Variants in KANK1 observed in about 807,000 individuals in gnomAD.
The protein encoded by KANK1 is KN motif and ankyrin repeat domains 1, also known as KN motif and ankyrin repeat domain-containing protein 1.
Under a neutral mutation model 106.2 loss-of-function variants are expected in KANK1, and 109 were observed. The observed-to-expected ratio is 1.03, with a 90% CI of 0.88 to 1.20. KANK1 has a LOEUF of 1.20. Ranked by LOEUF, KANK1 falls within the 50% of genes most tolerant of loss-of-function variation. The pLI is 0.00. For missense variants in KANK1, 2,399 were observed against 1,710.7 expected (o/e 1.40, Z -7.10); for synonymous variants, 873 against 652.2 (o/e 1.34, Z -5.16).
chr9:680,760 T>C (rs1222395184), intron 2 of KANK1: 1 of 152,156 alleles, frequency 6.6e-6, no homozygotes, highest in Non-Finnish European at 1.5e-5. Flanking sequence ...GGTGCTCCAC[T>C]TTCGTGCGCG....
chr9:732,679 G>GT, intron 6 of KANK1, 62 bp downstream of exon 6: 2 of 1,572,042 alleles, frequency 1.3e-6, no homozygotes, highest in Non-Finnish European at 1.7e-6. Flanking sequence ...TGGCAATAGA[G>GT]TTGGCCAGTT....
intron 7 of KANK1, among the ~76,000 whole-genome samples, chr9:736,425 C>T (rs1048298580): frequency 2.6e-5 from 4 of 152,026 alleles, no homozygotes; most frequent in Non-Finnish European, 5.9e-5. Context: ...TGGTCAAGTC[C>T]AGGCACAGTG....
rs1465871228 is a variant in KANK1, at chr9:745,407, G to A, written c.*172G>A. On this transcript the variant is annotated 3_prime_UTR_variant, in exon 12 of 12. Coordinates refer to ENST00000382297, the MANE Select transcript of KANK1 (RefSeq NM_015158.5). The stretch of plus-strand genomic sequence containing the variant: ...CACAGTGCAGAGACTGCTAGCCTGG[G>A]CACACACACCTCCTTTCTGGCCGTC... 2.8e-6 allele frequency: 2 copies of A among 715,996 alleles called. No homozygotes were observed. The highest frequency in any genetic ancestry group is 4.6e-6 in the Non-Finnish European group (2 of 430,838). The allele number at this position is 715,996 out of a possible 1,614,324, so 44.4% of individuals were successfully genotyped here.
At chr9:636,584 C>T (rs1837189769) in intron 1 of KANK1, among the ~76,000 whole-genome samples, 1 of 152,116 alleles carries the variant, frequency 6.6e-6, no homozygotes, top group Non-Finnish European at 1.5e-5. Flanking sequence ...AACAACCTTC[C>T]TGGCTGGGTG....
intron 1 of KANK1, among the ~76,000 whole-genome samples, chr9:567,264 A>G (rs1053990710): frequency 3.9e-5 from 6 of 152,116 alleles, no homozygotes; most frequent in Admixed American, 2.0e-4. Context: ...TGTAGTTTGA[A>G]GTTGGGTAGT....
intron 3 of KANK1, among the ~76,000 whole-genome samples, chr9:714,656 C>T (rs1372053644): frequency 1.3e-5 from 2 of 152,154 alleles, no homozygotes; most frequent in African/African-American, 2.4e-5. Context: ...CCACACCTGG[C>T]CCGATAGGCG....
chr9:690,838 C>G (rs1045651411), intron 2 of KANK1, among the ~76,000 whole-genome samples: 7 of 152,310 alleles, frequency 4.6e-5, no homozygotes, highest in East Asian at 3.9e-4. Context: ...CTGGTATACG[C>G]TCAGCCAGCC....
intron 11 of KANK1, 102 bp downstream of exon 11, chr9:744,691 C>G: frequency 6.2e-7 from 1 of 1,600,108 alleles, no homozygotes; most frequent in Non-Finnish European, 8.5e-7. Context: ...TATGTTGATT[C>G]AGAAAATGGA....
At chr9:648,114 C>G (rs1237216465) in intron 1 of KANK1, among the ~76,000 whole-genome samples, 1 of 149,248 alleles carries the variant, frequency 6.7e-6, no homozygotes, top group Admixed American at 6.6e-5. Context: ...AGCAATTCTC[C>G]TGCCTCAGCC....
intron 2 of KANK1, among the ~76,000 whole-genome samples, chr9:709,490 T>A (rs1825313575): frequency 6.6e-6 from 1 of 152,234 alleles, no homozygotes; most frequent in South Asian, 2.1e-4. Flanking sequence ...CTACTGACTT[T>A]TAGTTTTTTT....
At chr9:693,462 C>T in intron 2 of KANK1, 1 of 985,348 alleles carries the variant, frequency 1.0e-6, no homozygotes, top group Non-Finnish European at 1.2e-6. Flanking sequence ...GTCAGCATTT[C>T]ATATGCCTGA....
At chr9:634,062 T>C (rs1375962239) in intron 1 of KANK1, among the ~76,000 whole-genome samples, 1 of 152,222 alleles carries the variant, frequency 6.6e-6, no homozygotes, top group Non-Finnish European at 1.5e-5. Flanking sequence ...GGTTAATTAA[T>C]TTGTAATTGC....
intron 1 of KANK1, among the ~76,000 whole-genome samples, chr9:522,672 T>G (rs1367512408): frequency 6.6e-6 from 1 of 151,796 alleles, no homozygotes; most frequent in African/African-American, 2.4e-5. Context: ...TGGAAGGGAC[T>G]TCATGCTGAC....
intron 3 of KANK1, among the ~76,000 whole-genome samples, chr9:715,270 CAG>C (rs1329534831): frequency 6.6e-6 from 1 of 152,156 alleles, no homozygotes; most frequent in Non-Finnish European, 1.5e-5. Context: ...TAGACTCAAA[CAG>C]AGTCTGCAAG....
At chr9:599,291 T>G (rs765212102) in intron 1 of KANK1, among the ~76,000 whole-genome samples, 1 of 151,660 alleles carries the variant, frequency 6.6e-6, no homozygotes, top group South Asian at 2.1e-4. Flanking sequence ...GTGCTGGGAT[T>G]ATAGTTGTGA....
chr9:732,584 A>G lies in KANK1; in HGVS notation c.3212A>G (p.Glu1071Gly). The G allele has an allele frequency of 6.2e-7, 1 of 1,614,146 alleles. No homozygotes were observed. Among genetic ancestry groups the G allele is most frequent in the African/African-American group, 1.3e-5 (1 of 75,036 alleles). Residue 1071 changes from glutamate to glycine, a missense_variant, in exon 6 of 12, where the codon GAA (glutamate) becomes GGA (glycine). Coordinates refer to ENST00000382297, the MANE Select transcript of KANK1 (RefSeq NM_015158.5). ...ARVEDEMQVQECEPEKVEIRE... is the reference protein window; with the variant it reads ...ARVEDEMQVQGCEPEKVEIRE... ...GTGGAAGATGAAATGCAGGTTCAAG[A>G]ATGTGAACCTGAGAAGGTGGAAATC...
chr9:567,295 C>G (rs1014950397), intron 1 of KANK1, among the ~76,000 whole-genome samples: 1 of 152,172 alleles, frequency 6.6e-6, no homozygotes, highest in African/African-American at 2.4e-5. Flanking sequence ...CAGCTTTGTT[C>G]TTTTTGCTTA....
At position 711,730 on chromosome 9, in the gene KANK1, C is replaced by A. The variant is rs781117909; in HGVS notation, c.964C>A (p.Arg322=). 23 of 1,614,060 alleles carry A rather than the reference C, an allele frequency of 1.4e-5. No homozygotes were observed. Among genetic ancestry groups the A allele is most frequent in the Non-Finnish European group, 5.1e-6 (6 of 1,180,040 alleles). ...SQINVCGVRK[R]SYSAGNASQL... is the part of the protein sequence containing the mutation. ...GATCAATGTCTGTGGTGTGAGGAAGCGGTCCTATAGTGCGGGGAACGCCTC... is the reference window on the plus strand; with the variant it reads ...GATCAATGTCTGTGGTGTGAGGAAGAGGTCCTATAGTGCGGGGAACGCCTC... The change falls in exon 3 of 12, where the codon CGG becomes AGG. Residue 322 remains arginine (R), a synonymous_variant. Transcript: ENST00000382297.
intron 1 of KANK1, among the ~76,000 whole-genome samples, chr9:572,382 C>T (rs1325009479): frequency 6.6e-6 from 1 of 151,730 alleles, no homozygotes; most frequent in African/African-American, 2.4e-5. Context: ...AACCCCGTCT[C>T]TACTAAAAAA....
Sources: allele counts gnomAD v4.1 joint callset (sites outside exome capture counted in the v4.1 genomes callset), GRCh38; gene constraint gnomAD v4.1.1; transcripts MANE v1.5; gene names NCBI Gene and HGNC (gene_info 2026-07-23, HGNC 2026-07-21).